FSTL4: variants seen among roughly 807,000 people sequenced by gnomAD.
FSTL4 encodes follistatin-related protein 4.
Under a neutral mutation model 78.2 loss-of-function variants are expected in FSTL4, and 28 were observed. The ratio of observed to expected loss-of-function variants is 0.36; its 90% CI spans 0.27 to 0.49. The LOEUF (loss-of-function observed/expected upper bound fraction) is 0.49, where lower values mean the gene tolerates loss of function less well. Ranked by LOEUF, FSTL4 falls within the 20% of genes least tolerant of loss-of-function variation. The pLI is 0.98. For synonymous variants in FSTL4, 422 were observed against 440.5 expected, an observed-to-expected ratio of 0.96 and a Z score of 0.53; for missense variants, 922 against 1,084.9, an observed-to-expected ratio of 0.85 and a Z score of 2.11.
At chr5:133,767,729 TAC>T in the FSTL4 span, among the ~76,000 whole-genome samples, 1 of 152,198 alleles carries the variant, frequency 6.6e-6, no homozygotes, top group East Asian at 1.9e-4. Flanking sequence ...GGAACACATG[TAC>T]AGAGTGATGC....
chr5:133,534,557 C>T (rs897995939), intron 3 of FSTL4, among the ~76,000 whole-genome samples: 44 of 152,190 alleles, frequency 2.9e-4, no homozygotes, highest in African/African-American at 1.0e-3. Flanking sequence ...TATTGTGGAA[C>T]CATTAAATTC....
chr5:133,840,380 C>T, the FSTL4 span, among the ~76,000 whole-genome samples: 5 of 152,178 alleles, frequency 3.3e-5, no homozygotes, highest in Admixed American at 3.3e-4. Flanking sequence ...TAAATGCTGG[C>T]AGAAGGTAGT....
chr5:133,604,179 A>G (rs1442066342), intron 1 of FSTL4, among the ~76,000 whole-genome samples, 186 bp from the exon 2 acceptor site: 1 of 152,220 alleles, frequency 6.6e-6, no homozygotes, highest in East Asian at 1.9e-4. Flanking sequence ...CTAAAATGGC[A>G]ATAATATGTA....
At chr5:133,705,161 A>C in the FSTL4 span, among the ~76,000 whole-genome samples, 1 of 152,120 alleles carries the variant, frequency 6.6e-6, no homozygotes, top group Non-Finnish European at 1.5e-5. Flanking sequence ...CCCAGGTTCA[A>C]TAAATTCTCT....
At chr5:133,436,201 G>A (rs1757028780) in intron 3 of FSTL4, among the ~76,000 whole-genome samples, 1 of 152,138 alleles carries the variant, frequency 6.6e-6, no homozygotes, top group Non-Finnish European at 1.5e-5. Context: ...TATGGTATAT[G>A]GCATTATGAG....
rs144711748 is a variant in FSTL4 at position 133,497,673 on chromosome 5, C to T, written c.160+69513G>A. ...TTGGAGTCTATGATGCATAGACATC[C>T]ATCTCTGATAAACTTAGAATATGAT... On this transcript the variant is annotated intron_variant, in intron 3 of 15. Transcript: ENST00000265342. Among the ~76,000 whole-genome samples, 245 of 152,302 alleles carry T rather than the reference C, an allele frequency of 1.6e-3. 3 individuals carry two copies. Among genetic ancestry groups the T allele is most frequent in the African/African-American group, 5.8e-3 (239 of 41,558 alleles).
chr5:133,701,507 A>AC, the FSTL4 span, among the ~76,000 whole-genome samples: 5 of 102,776 alleles, frequency 4.9e-5, no homozygotes, highest in Admixed American at 1.9e-4. Flanking sequence ...ACACACACAC[A>AC]CACCCCACAG....
At chr5:133,215,355 A>G (rs1750872817) in intron 13 of FSTL4, among the ~76,000 whole-genome samples, 1 of 152,152 alleles carries the variant, frequency 6.6e-6, no homozygotes, top group African/African-American at 2.4e-5. Flanking sequence ...GGATTAATAC[A>G]GTTCATATGG....
At position 133,225,019 on chromosome 5, in the gene FSTL4, G is replaced by A. The variant is rs148820690; in HGVS notation, c.1312+131C>T. ...TCCAATTCCAGCTTTATGCAAAGAG[G>A]GATATGAGGCTTACCCCTGTCTTCA... On this transcript the variant is annotated intron_variant, in intron 10 of 15. Transcript: ENST00000265342. The surrounding 1 kb of genome is among the most constrained non-coding windows in gnomAD (Gnocchi z 4.6). 3.7e-4 allele frequency: 384 copies of A among 1,025,790 alleles called. 2 individuals are homozygous for A. The African/African-American group carries it at 5.5e-3, about 15-fold the overall frequency. 63.5% of individuals were successfully genotyped at this position (1,025,790 alleles called of 1,614,324 possible).
the FSTL4 span, among the ~76,000 whole-genome samples, chr5:133,690,227 T>A: frequency 6.6e-6 from 1 of 152,118 alleles, no homozygotes; most frequent in Non-Finnish European, 1.5e-5. Context: ...CCTCCCATTA[T>A]TCCATTAATA....
At chr5:133,205,827 T>C (rs1197425346) in intron 14 of FSTL4, among the ~76,000 whole-genome samples, 4 of 152,190 alleles carry the variant, frequency 2.6e-5, no homozygotes, top group Admixed American at 6.5e-5. Context: ...GACAAATCCT[T>C]GTACTACTAA....
At chr5:133,359,469 G>A (rs1186637821) in intron 4 of FSTL4, among the ~76,000 whole-genome samples, 1 of 152,208 alleles carries the variant, frequency 6.6e-6, no homozygotes, top group Non-Finnish European at 1.5e-5. Context: ...AGAAGTTTTA[G>A]AATAGGCAAA....
At chr5:133,414,557 C>G (rs769714706) in intron 3 of FSTL4, among the ~76,000 whole-genome samples, 4 of 152,338 alleles carry the variant, frequency 2.6e-5, no homozygotes, top group Non-Finnish European at 5.9e-5. Context: ...TCTTACCTCT[C>G]TGGATTCCTG....
chr5:133,566,527 T>C lies in FSTL4; in HGVS notation c.160+659A>G, dbSNP rs573981229. 1.1e-4 allele frequency among the ~76,000 whole-genome samples: 16 copies of C among 152,304 alleles called. No individual in the cohort carries two copies. The East Asian group carries it at 2.9e-3, about 28-fold the overall frequency. ...TAATAAAAAGATGATTGTTAATGAT[T>C]CCACAAATCATACAAAAGGCATCCC... On this transcript the variant is annotated intron_variant, in intron 3 of 15. Coordinates refer to ENST00000265342, the MANE Select transcript of FSTL4 (RefSeq NM_015082.2).
rs1465340698 is a variant in FSTL4, at chr5:133,586,265, C to T, written c.126+17593G>A. Among the ~76,000 whole-genome samples, 128 of 105,346 alleles carry T rather than the reference C, an allele frequency of 1.2e-3. 6 individuals are homozygous for T. The highest frequency in any genetic ancestry group is 4.0e-3 in the African/African-American group (122 of 30,398). 69.1% of individuals were successfully genotyped at this position (105,346 alleles called of 152,430 possible). ...AACACATTCAAAAGCTAGCAGAAGG[C>T]AAGACATAACTAAAATCAGAGCAGA... On this transcript the variant is annotated intron_variant, in intron 2 of 15. Transcript: ENST00000265342.
intron 2 of FSTL4, among the ~76,000 whole-genome samples, chr5:133,570,239 A>C (rs1309752298): frequency 1.3e-5 from 2 of 152,064 alleles, no homozygotes; most frequent in African/African-American, 4.8e-5. Context: ...AATTAAAATG[A>C]AACCAACTTT....
the FSTL4 span, among the ~76,000 whole-genome samples, chr5:133,701,947 T>A: frequency 1.3e-5 from 2 of 152,132 alleles, no homozygotes; most frequent in African/African-American, 4.8e-5. Context: ...ATAGCTCATG[T>A]CCTGGCGCCC....
intron 14 of FSTL4, among the ~76,000 whole-genome samples, chr5:133,203,986 C>A (rs898763363): frequency 1.3e-5 from 2 of 152,220 alleles, no homozygotes; most frequent in Non-Finnish European, 2.9e-5. Context: ...AGATAACTGT[C>A]AAGCCCCTCA....
At chr5:133,555,979 C>T (rs919066305) in intron 3 of FSTL4, among the ~76,000 whole-genome samples, 1 of 152,182 alleles carries the variant, frequency 6.6e-6, no homozygotes, top group South Asian at 2.1e-4. Flanking sequence ...TTTTACAGGC[C>T]TATTTCTTCT....
Sources: gnomAD v4.1 joint callset for allele counts (sites outside exome capture counted in the v4.1 genomes callset) on GRCh38, gnomAD v4.1.1 for gene constraint, Gnocchi (gnomAD v3.1) non-coding constraint, MANE v1.5 for transcripts, NCBI Gene and HGNC (gene_info 2026-07-23, HGNC 2026-07-21) for gene names.